Variants in PCDHGA3 observed in about 807,000 individuals in gnomAD.
The protein encoded by PCDHGA3 is protocadherin gamma subfamily A, 3, also known as protocadherin gamma-A3.
A neutral mutation model predicts 58.5 loss-of-function variants in PCDHGA3; 40 were observed. The observed-to-expected ratio is 0.68, with a 90% CI of 0.53 to 0.89. PCDHGA3 has a LOEUF of 0.89. PCDHGA3 is among the 40% of genes least tolerant of loss of function. The pLI is 0.00. For synonymous variants in PCDHGA3, 530 were observed against 525.7 expected (o/e 1.01, Z -0.11); for missense variants, 1,223 against 1,195.9 (o/e 1.02, Z -0.33).
At chr5:141,475,892 G>A (rs1279219556) in intron 1 of PCDHGA3, 1 of 568,264 alleles carries the variant, frequency 1.8e-6, no homozygotes, top group Non-Finnish European at 3.1e-6. Context: ...GGGACTCTGT[G>A]TGCCGCTGTC....
In PCDHGA3 at chr5:141,476,240, G is replaced by A. The variant is rs762604058; in HGVS notation, c.2425-18567G>A. On this transcript the variant is annotated intron_variant, in intron 1 of 3. Coordinates refer to ENST00000253812, the MANE Select transcript of PCDHGA3 (RefSeq NM_018916.4). This position sits in a 1 kb window ranked among gnomAD's most constrained non-coding sequence, Gnocchi z 7.6. ...TCACTATGAGATCCCGGAGGAAAGAGAGAAGGGTTTCGCTGTGGGCAACGT... is the reference window on the plus strand; with the variant it reads ...TCACTATGAGATCCCGGAGGAAAGAAAGAAGGGTTTCGCTGTGGGCAACGT... The A allele has an allele frequency of 4.3e-6, 7 of 1,613,986 alleles. No individual in the cohort carries two copies. The highest frequency in any genetic ancestry group is 1.7e-6 in the Non-Finnish European group (2 of 1,180,030).
intron 1 of PCDHGA3, chr5:141,404,534 T>A: frequency 6.2e-7 from 1 of 1,613,954 alleles, no homozygotes; most frequent in Non-Finnish European, 8.5e-7. Context: ...GTTTAGAGAT[T>A]TGCAAATGCA....
chr5:141,434,667 G>T (rs1464226862), intron 1 of PCDHGA3, among the ~76,000 whole-genome samples: 3 of 152,074 alleles, frequency 2.0e-5, no homozygotes, highest in East Asian at 3.9e-4. Context: ...CTATAGAAAT[G>T]ATGCTAATGA....
intron 1 of PCDHGA3, chr5:141,382,944 G>T (rs375823415): frequency 7.9e-5 from 126 of 1,596,768 alleles, no homozygotes; most frequent in Non-Finnish European, 1.0e-4. Flanking sequence ...GATTCTTCCT[G>T]CTCTCCATCC....
intron 1 of PCDHGA3, chr5:141,351,023 G>A: frequency 3.7e-6 from 6 of 1,614,056 alleles, no homozygotes; most frequent in Non-Finnish European, 5.1e-6. Flanking sequence ...CGTACCGTGG[G>A]GAACCTCCGT....
chr5:141,479,050 C>G (rs1484021560), intron 1 of PCDHGA3, among the ~76,000 whole-genome samples: 1 of 152,164 alleles, frequency 6.6e-6, no homozygotes, highest in South Asian at 2.1e-4. Context: ...ACCTCATTCT[C>G]AGATAATTTT....
intron 1 of PCDHGA3, chr5:141,360,169 C>T: frequency 1.9e-6 from 3 of 1,607,588 alleles, no homozygotes; most frequent in Admixed American, 1.7e-5. Context: ...CGGGCTGGTG[C>T]GGTGGCTGCA....
intron 1 of PCDHGA3, chr5:141,400,208 T>G: frequency 6.2e-7 from 1 of 1,614,042 alleles, no homozygotes; most frequent in South Asian, 1.1e-5. Context: ...GCCTTGGCCT[T>G]GATCTCAGTG....
chr5:141,481,026 C>T (rs1315533254), intron 1 of PCDHGA3, among the ~76,000 whole-genome samples: 1 of 152,100 alleles, frequency 6.6e-6, no homozygotes, highest in African/African-American at 2.4e-5. Flanking sequence ...CCACTGCACT[C>T]CAGCCTGGGC....
At chr5:141,414,919 G>A (rs2095801962) in intron 1 of PCDHGA3, 2 of 1,614,050 alleles carry the variant, frequency 1.2e-6, no homozygotes, top group African/African-American at 2.7e-5. Context: ...CGTGGAGCTG[G>A]CGCCCCGCTC....
intron 1 of PCDHGA3, chr5:141,412,671 A>T (rs1335241581): frequency 6.6e-6 from 1 of 152,290 alleles, no homozygotes; most frequent in Non-Finnish European, 1.5e-5. Flanking sequence ...AATATGACCT[A>T]AAATAAGTAT....
rs776721321 is a variant in PCDHGA3, at chr5:141,431,084, C to A, written c.2425-63723C>A. ...CAAGTGTCAATTAAATCTAGACATT[C>A]TGATGGAGGATAAAGTGAAAATATA... is the stretch of plus-strand genomic sequence containing the variant. On this transcript the variant is annotated intron_variant, in intron 1 of 3. Coordinates refer to ENST00000253812, the MANE Select transcript of PCDHGA3 (RefSeq NM_018916.4). This position sits in a 1 kb window ranked among gnomAD's most constrained non-coding sequence, Gnocchi z 4.8. The A allele has an allele frequency of 1.2e-6, 2 of 1,614,060 alleles. No homozygotes were observed. Among genetic ancestry groups the A allele is most frequent in the Non-Finnish European group, 1.7e-6 (2 of 1,180,002 alleles).
At chr5:141,506,213 A>G (rs2154593866) in intron 3 of PCDHGA3, among the ~76,000 whole-genome samples, 1 of 152,204 alleles carries the variant, frequency 6.6e-6, no homozygotes, top group South Asian at 2.1e-4. Flanking sequence ...CACTTTGGGA[A>G]GCTGAGGCAG....
At position 141,351,851 on chromosome 5, in the gene PCDHGA3, A is replaced by C. The variant is rs543692676; in HGVS notation, c.2424+5394A>C. 681 of 1,612,924 alleles carry C rather than the reference A, an allele frequency of 4.2e-4. 6 individuals are homozygous for C. In the Middle Eastern group the frequency reaches 7.3e-3, roughly 17 times the overall value. On this transcript the variant is annotated intron_variant, in intron 1 of 3. Transcript: ENST00000253812. The stretch of plus-strand genomic sequence containing the variant: ...CGCCTTCGAGCTCACACTGCAGGCC[A>C]GGGACCAGGGCTCCCCCGCGCTCAG...
chr5:141,381,625 G>C (rs1460922523), intron 1 of PCDHGA3, among the ~76,000 whole-genome samples: 1 of 152,172 alleles, frequency 6.6e-6, no homozygotes, highest in Non-Finnish European at 1.5e-5. Context: ...TAGGATCTCT[G>C]CAGATTTCTG....
intron 1 of PCDHGA3, chr5:141,351,151 C>G: frequency 1.2e-6 from 2 of 1,614,024 alleles, no homozygotes; most frequent in Non-Finnish European, 1.7e-6. Context: ...CTGGCGACAT[C>G]ACAACCAATG....
chr5:141,393,910 T>C, intron 1 of PCDHGA3: 1 of 1,613,998 alleles, frequency 6.2e-7, no homozygotes, highest in Admixed American at 1.7e-5. Flanking sequence ...GGGACAGTAA[T>C]TGCCTTCTTG....
chr5:141,384,600 C>T, intron 1 of PCDHGA3: 1 of 1,614,248 alleles, frequency 6.2e-7, no homozygotes, highest in Non-Finnish European at 8.5e-7. Flanking sequence ...ACCCGGCCCT[C>T]CCCACAGATG....
At chr5:141,374,884 C>A in intron 1 of PCDHGA3, 3 of 1,613,714 alleles carry the variant, frequency 1.9e-6, no homozygotes, top group Non-Finnish European at 1.7e-6. Context: ...TGACTGCCAC[C>A]GACCAGGATG....
Sources: allele counts gnomAD v4.1 joint callset (sites outside exome capture counted in the v4.1 genomes callset), GRCh38; gene constraint gnomAD v4.1.1; non-coding constraint Gnocchi (gnomAD v3.1); transcripts MANE v1.5; gene names NCBI Gene and HGNC (gene_info 2026-07-23, HGNC 2026-07-21).